The following CAND2 variants were observed in gnomAD, a reference collection of about 807,000 sequenced individuals.
The protein encoded by CAND2 is cullin associated and neddylation dissociated 2 (putative), also known as cullin-associated NEDD8-dissociated protein 2.
Under a neutral mutation model 98.9 loss-of-function variants are expected in CAND2, and 62 were observed. That is an observed-to-expected ratio of 0.63 (90% CI 0.51 to 0.77). The LOEUF (loss-of-function observed/expected upper bound fraction) is 0.77. CAND2 is among the 30% of genes least tolerant of loss of function. The pLI is 0.00. For synonymous variants in CAND2, 770 were observed against 731.9 expected, an observed-to-expected ratio of 1.05 and a Z score of -0.84; for missense variants, 1,501 against 1,655.2, an observed-to-expected ratio of 0.91 and a Z score of 1.62.
intron 12 of CAND2, 47 bp downstream of exon 12, chr3:12,825,686 C>A: frequency 6.8e-7 from 1 of 1,463,060 alleles, no homozygotes; most frequent in Non-Finnish European, 9.4e-7. Context: ...GGTGATGCCA[C>A]CTCTCATGCC....
chr3:12,832,604 G>A (rs1340135889), intron 14 of CAND2: 1 of 152,204 alleles, frequency 6.6e-6, no homozygotes, highest in African/African-American at 2.4e-5. Context: ...AATCTACCAA[G>A]CTCTGACAAC....
rs993501385 is a variant in CAND2, at chr3:12,834,693, G to C, written c.*711G>C. The C allele has an allele frequency of 2.6e-5, 4 of 152,356 alleles. No homozygotes were observed. The highest frequency in any genetic ancestry group is 4.4e-5 in the Non-Finnish European group (3 of 68,164). The allele number at this position is 152,356 out of a possible 1,614,324, so 9.4% of individuals were successfully genotyped here. On this transcript the variant is annotated 3_prime_UTR_variant, in exon 15 of 15. Transcript: ENST00000456430. Reference sequence around the variant, plus strand: ...AACCAGTTGGTTTGTTTCCTTCTGAGGAAGGTTTCAAATGTGTCTAGTGTT... The same window carrying C: ...AACCAGTTGGTTTGTTTCCTTCTGACGAAGGTTTCAAATGTGTCTAGTGTT...
At chr3:12,813,120 G>C (rs1435936420) in intron 6 of CAND2, 25 bp downstream of exon 6, 1 of 1,568,094 alleles carries the variant, frequency 6.4e-7, no homozygotes, top group South Asian at 1.2e-5. Flanking sequence ...GTTGCCTGGG[G>C]ATCCCTTTGG....
At position 12,816,015 on chromosome 3, in the gene CAND2, T is replaced by C; in HGVS notation, c.1441+7T>C. On this transcript the variant is annotated splice_region_variant and intron_variant, in intron 9 of 14. Coordinates refer to ENST00000456430, the MANE Select transcript of CAND2 (RefSeq NM_001162499.2). ...ATGCCTGTGCTGGTATCAGGTAGGC[T>C]GGACTGCAACCAGGTATCTGCTGTT... The C allele has an allele frequency of 6.2e-7, 1 of 1,612,364 alleles. No homozygotes were observed. The highest frequency in any genetic ancestry group is 8.5e-7 in the Non-Finnish European group (1 of 1,178,944).
chr3:12,821,841 C>T (rs965831121), intron 11 of CAND2, among the ~76,000 whole-genome samples: 1 of 152,232 alleles, frequency 6.6e-6, no homozygotes, highest in African/African-American at 2.4e-5. Flanking sequence ...GGTGGCTTGT[C>T]CCCTGGCTGG....
intron 1 of CAND2, among the ~76,000 whole-genome samples, chr3:12,801,629 T>G (rs1490591969): frequency 6.6e-6 from 1 of 152,176 alleles, no homozygotes; most frequent in Non-Finnish European, 1.5e-5. Context: ...ATCCCTCACC[T>G]CCGGGTGGGT....
intron 12 of CAND2, among the ~76,000 whole-genome samples, chr3:12,827,033 A>G (rs1300146517): frequency 1.3e-5 from 2 of 151,934 alleles, no homozygotes; most frequent in Non-Finnish European, 2.9e-5. Context: ...AAGTTTCGCC[A>G]TGTTAGCCAG....
rs753774394 is a variant in CAND2 at position 12,815,894 on chromosome 3, C to T, written c.1327C>T (p.Arg443Trp). 9.3e-6 allele frequency: 15 copies of T among 1,613,614 alleles called. No individual in the cohort carries two copies. Among genetic ancestry groups the T allele is most frequent in the East Asian group, 2.2e-5 (1 of 44,894 alleles). Residue 443 changes from arginine (R) to tryptophan (W), a missense_variant, in exon 9 of 15, where the codon CGG (arginine) becomes TGG (tryptophan). By Grantham distance (101) the Arg-to-Trp change is moderately radical. Transcript: ENST00000456430. The surrounding 1 kb of genome is among the most constrained non-coding windows in gnomAD (Gnocchi z 5.7). ...GCCCCTTGTGGTCAAGGCCCTGCAG[C>T]GGCAGCTTAAAGATCGGAGCGTCAG... ...QVPLVVKALQRQLKDRSVRAR... is the reference protein window; with the variant it reads ...QVPLVVKALQWQLKDRSVRAR...
At position 12,813,368 on chromosome 3, in the gene CAND2, A is replaced by G. The variant is rs1054292603; in HGVS notation, c.986A>G (p.Asp329Gly). Residue 329 changes from aspartate (D) to glycine (G), a missense_variant, in exon 7 of 15, where the codon GAT (aspartate) becomes GGT (glycine). Physicochemically the swap from Asp to Gly is moderately conservative, Grantham distance 94 (BLOSUM62 -1). Coordinates refer to ENST00000456430, the MANE Select transcript of CAND2 (RefSeq NM_001162499.2). ...GATGAGGAGCAGATGGAGACAGAGG[A>G]TAGTGAATTCAGTGAGCAAGGTTGG... ...DEDEEQMETE[D>G]SEFSEQESED... 3 of 1,613,958 alleles carry G rather than the reference A, an allele frequency of 1.9e-6. No homozygotes were observed. Among genetic ancestry groups the G allele is most frequent in the Non-Finnish European group, 2.5e-6 (3 of 1,179,938 alleles).
intron 11 of CAND2, 79 bp from the exon 12 acceptor site, chr3:12,825,391 C>G: frequency 7.2e-7 from 1 of 1,397,072 alleles, no homozygotes; most frequent in Non-Finnish European, 9.7e-7. Context: ...TGCACAGTAA[C>G]CAGATGGCCG....
intron 11 of CAND2, 103 bp from the exon 12 acceptor site, chr3:12,825,367 G>T: frequency 8.6e-7 from 1 of 1,166,206 alleles, no homozygotes; most frequent in Non-Finnish European, 1.2e-6. Flanking sequence ...CCCCCATTCA[G>T]CCAGTTCTGC....
rs147132355 is a variant in CAND2, at chr3:12,830,045, G to A, written c.3376-1420G>A. Among the ~76,000 whole-genome samples the A allele has an allele frequency of 1.8e-3, 273 of 152,286 alleles. 3 individuals carry two copies. The highest frequency in any genetic ancestry group is 5.9e-4 in the Non-Finnish European group (40 of 68,016). On this transcript the variant is annotated intron_variant, in intron 13 of 14. Transcript: ENST00000456430. ...AGTGCATGTTCCTGCTAAAGCATCC[G>A]ATGCGCGTGGTGAGGCTGCACCTCC...
At chr3:12,827,717 T>C (rs1433283710) in intron 13 of CAND2, 113 bp downstream of exon 13, 3 of 1,006,432 alleles carry the variant, frequency 3.0e-6, no homozygotes, top group Non-Finnish European at 4.3e-6. Flanking sequence ...CCAATGAAAA[T>C]AGCTGCATTG....
At chr3:12,799,638 G>A (rs2061752408) in intron 1 of CAND2, among the ~76,000 whole-genome samples, 2 of 152,150 alleles carry the variant, frequency 1.3e-5, no homozygotes, top group African/African-American at 4.8e-5. Context: ...CCCTGACAAA[G>A]CCCTCTGCAG....
At position 12,817,839 on chromosome 3, in the gene CAND2, G is replaced by A. The variant is rs371120017; in HGVS notation, c.2907G>A (p.Ser969=). Residue 969 remains serine (S), a synonymous_variant, in exon 10 of 15, where the codon TCG becomes TCA. Transcript: ENST00000456430. ...GGAAGCTGGTCCTTGTGAACCCTTC[G>A]TTCCTTCTGCCCCGCTTGCGGAAGC... ...CIGKLVLVNP[S]FLLPRLRKQL... is the part of the protein sequence containing the mutation. 83 of 1,513,880 alleles carry A rather than the reference G, an allele frequency of 5.5e-5. No individual in the cohort carries two copies. The highest frequency in any genetic ancestry group is 4.2e-4 in the African/African-American group (30 of 71,796). The allele number at this position is 1,513,880 out of a possible 1,614,324, so 93.8% of individuals were successfully genotyped here. A position where few individuals can be genotyped will look rare whatever the true frequency, so the allele number is the denominator to read the frequency against.
intron 13 of CAND2, among the ~76,000 whole-genome samples, chr3:12,830,559 T>C (rs1332446707): frequency 1.3e-5 from 2 of 152,178 alleles, no homozygotes; most frequent in Non-Finnish European, 2.9e-5. Flanking sequence ...ATGCCTGCCC[T>C]CCAGGAGCGC....
chr3:12,797,950 C>A (rs1280234652), intron 1 of CAND2, among the ~76,000 whole-genome samples: 3 of 152,190 alleles, frequency 2.0e-5, no homozygotes, highest in East Asian at 3.9e-4. Flanking sequence ...AGAGCCCCCC[C>A]ACATTAATAG....
In CAND2 at chr3:12,810,056, C is replaced by T. The variant is rs1481365616; in HGVS notation, c.492-3C>T. On this transcript the variant is annotated splice_region_variant and splice_polypyrimidine_tract_variant and intron_variant, in intron 4 of 14. Coordinates refer to ENST00000456430, the MANE Select transcript of CAND2 (RefSeq NM_001162499.2). The stretch of plus-strand genomic sequence containing the variant: ...CGGCCTGATGCCCCCTCGTGCTCCC[C>T]AGGCTGGGTGTCCCGCTGGGCGCCT... 4 of 1,421,192 alleles carry T rather than the reference C, an allele frequency of 2.8e-6. No homozygotes were observed. The highest frequency in any genetic ancestry group is 3.7e-6 in the Non-Finnish European group (4 of 1,088,476). The allele number at this position is 1,421,192 out of a possible 1,614,324, so 88.0% of individuals were successfully genotyped here.
intron 13 of CAND2, among the ~76,000 whole-genome samples, chr3:12,828,913 G>A (rs2062027346): frequency 6.6e-6 from 1 of 152,170 alleles, no homozygotes; most frequent in Non-Finnish European, 1.5e-5. Context: ...TCCCAGTGTT[G>A]TATGTACAGA....
Sources: gnomAD v4.1 joint callset for allele counts (sites outside exome capture counted in the v4.1 genomes callset) on GRCh38, gnomAD v4.1.1 for gene constraint, Gnocchi (gnomAD v3.1) non-coding constraint, MANE v1.5 for transcripts, NCBI Gene and HGNC (gene_info 2026-07-23, HGNC 2026-07-21) for gene names.